Variants in EMP2 observed in about 807,000 individuals in gnomAD.
EMP2 encodes epithelial membrane protein 2.
In EMP2, 19 loss-of-function variants were observed where a neutral mutation model predicts 13.7. The ratio of observed to expected loss-of-function variants is 1.38; its 90% CI spans 0.97 to 2.03. The LOEUF is 2.03. EMP2 is among the 30% of genes most tolerant of loss of function. The probability of loss-of-function intolerance (pLI) is 0.00; values close to 1 mark genes in which losing one functional copy is unlikely to be tolerated. For missense variants in EMP2, 253 were observed against 220.7 expected (o/e 1.15, Z -0.93); for synonymous variants, 97 against 84.7 (o/e 1.15, Z -0.80).
chr16:10,564,706 T>A (rs2050895749), intron 1 of EMP2, among the ~76,000 whole-genome samples: 1 of 151,646 alleles, frequency 6.6e-6, no homozygotes, highest in African/African-American at 2.4e-5. Flanking sequence ...CCACCACCAT[T>A]CTCAGAAAGG....
chr16:10,549,665 C>G (rs2050768126), intron 1 of EMP2, among the ~76,000 whole-genome samples: 1 of 151,904 alleles, frequency 6.6e-6, no homozygotes, highest in Non-Finnish European at 1.5e-5. Flanking sequence ...ATCAGACCTT[C>G]TGTTCACTGG....
chr16:10,569,543 C>T (rs1802993320), intron 1 of EMP2, among the ~76,000 whole-genome samples: 1 of 152,076 alleles, frequency 6.6e-6, no homozygotes, highest in Admixed American at 6.5e-5. Flanking sequence ...TAGTCTTGAA[C>T]TCCTGGGCTC....
At chr16:10,549,055 C>T (rs1031824391) in intron 1 of EMP2, among the ~76,000 whole-genome samples, 2 of 152,230 alleles carry the variant, frequency 1.3e-5, no homozygotes, top group Non-Finnish European at 2.9e-5. Context: ...GTTCTCCATG[C>T]TCCCTCTCCC....
At position 10,580,262 on chromosome 16, in the gene EMP2, AG is replaced by A. The variant is rs1455565519; in HGVS notation, c.-61+286del. On this transcript the variant is annotated intron_variant, in intron 1 of 4. Transcript: ENST00000359543. This position sits in a 1 kb window ranked among gnomAD's most constrained non-coding sequence, Gnocchi z 4.3. ...CCCCGGGTGTAAGTCCGGCGGGGCG[AG>A]GGGAGGCGCCCTGACTCCTCCCCAA... Among the ~76,000 whole-genome samples, 3 of 152,020 alleles carry A rather than the reference AG, an allele frequency of 2.0e-5. No homozygotes were observed. Among genetic ancestry groups the A allele is most frequent in the Non-Finnish European group, 4.4e-5 (3 of 67,966 alleles).
chr16:10,536,923 G>C (rs1344266807), intron 4 of EMP2, among the ~76,000 whole-genome samples: 1 of 152,182 alleles, frequency 6.6e-6, no homozygotes, highest in South Asian at 2.1e-4. Context: ...TTTTAAACCA[G>C]AGGATGGTCC....
chr16:10,550,927 A>G (rs899739691), intron 1 of EMP2, among the ~76,000 whole-genome samples: 86 of 152,162 alleles, frequency 5.7e-4, no homozygotes, highest in African/African-American at 2.0e-3. Context: ...CTGAGCCAAG[A>G]ACGCGCCACT....
Position 10,532,751 on chromosome 16 carries a change from CTTTTTTCTTTTTT to C in EMP2, c.*141_*153del. ...CTTCTCTCTTTTGGATTTTTTTTTT[CTTTTTTCTTTTTT>C]TTTTTTTTTTTTTTTTTTTTTTGGC... On this transcript the variant is annotated 3_prime_UTR_variant, in exon 5 of 5. Coordinates refer to ENST00000359543, the MANE Select transcript of EMP2 (RefSeq NM_001424.6). 3 of 199,598 alleles carry C rather than the reference CTTTTTTCTTTTTT, an allele frequency of 1.5e-5. No individual in the cohort carries two copies. Among genetic ancestry groups the C allele is most frequent in the African/African-American group, 7.2e-5 (1 of 13,840 alleles). 12.4% of individuals were successfully genotyped at this position (199,598 alleles called of 1,614,324 possible). A position where few individuals can be genotyped will look rare whatever the true frequency, so the allele number is the denominator to read the frequency against.
intron 1 of EMP2, among the ~76,000 whole-genome samples, chr16:10,570,518 C>A (rs947036408): frequency 8.5e-5 from 13 of 152,320 alleles, no homozygotes; most frequent in African/African-American, 2.4e-4. Flanking sequence ...CTGCCTCAGC[C>A]TCCCAAGTAG....
chr16:10,559,646 C>G (rs2050857997), intron 1 of EMP2, among the ~76,000 whole-genome samples: 1 of 152,218 alleles, frequency 6.6e-6, no homozygotes, highest in African/African-American at 2.4e-5. Flanking sequence ...TACTCACCAA[C>G]TCTGATGAAG....
At chr16:10,543,732 C>G (rs765698487) in intron 2 of EMP2, 72 bp from the exon 3 acceptor site, 4 of 1,452,172 alleles carry the variant, frequency 2.8e-6, no homozygotes, top group South Asian at 1.1e-5. Context: ...TAATTAGGCA[C>G]GAGGCATGGT....
intron 1 of EMP2, among the ~76,000 whole-genome samples, chr16:10,558,688 T>C (rs2050850333): frequency 6.6e-6 from 1 of 152,062 alleles, no homozygotes; most frequent in Non-Finnish European, 1.5e-5. Flanking sequence ...ACTGCTGTCC[T>C]CTTCTTCATA....
chr16:10,547,737 A>G, intron 1 of EMP2, 60 bp from the exon 2 acceptor site: 1 of 978,824 alleles, frequency 1.0e-6, no homozygotes, highest in Non-Finnish European at 1.5e-6. Flanking sequence ...AATTACAATA[A>G]AAAATAAACA....
Position 10,531,660 on chromosome 16 carries a change from C to T in EMP2, c.*1245G>A, listed in dbSNP as rs1470788564. ...TTCTAATTAAGTTTTAATCTGTCTC[C>T]TCCACTAGGCCATGAGCCCTAGGAG... On this transcript the variant is annotated 3_prime_UTR_variant, in exon 5 of 5. Coordinates refer to ENST00000359543, the MANE Select transcript of EMP2 (RefSeq NM_001424.6). The T allele has an allele frequency of 1.3e-5, 2 of 152,580 alleles. No individual in the cohort carries two copies. The highest frequency in any genetic ancestry group is 2.4e-5 in the African/African-American group (1 of 41,572). The allele number at this position is 152,580 out of a possible 1,614,324, so 9.5% of individuals were successfully genotyped here.
intron 4 of EMP2, among the ~76,000 whole-genome samples, chr16:10,535,417 G>C (rs1316090109): frequency 6.6e-6 from 1 of 152,218 alleles, no homozygotes; most frequent in Non-Finnish European, 1.5e-5. Flanking sequence ...CAGATCAACA[G>C]ACAAACATAG....
At chr16:10,560,801 C>T (rs56349211) in intron 1 of EMP2, among the ~76,000 whole-genome samples, 5,561 of 152,096 alleles carry the variant, frequency 0.037, 144 homozygotes, top group African/African-American at 0.062. Context: ...GAGTTCGGGA[C>T]GCCCCACAGT....
At chr16:10,575,033 G>A (rs2050972634) in intron 1 of EMP2, among the ~76,000 whole-genome samples, 1 of 151,906 alleles carries the variant, frequency 6.6e-6, no homozygotes, top group African/African-American at 2.4e-5. Context: ...ATACAGGTAT[G>A]TGCCACCACA....
intron 1 of EMP2, among the ~76,000 whole-genome samples, chr16:10,561,621 C>T (rs188048814): frequency 6.6e-6 from 1 of 152,174 alleles, no homozygotes; most frequent in Non-Finnish European, 1.5e-5. Flanking sequence ...GGGAAGTGAA[C>T]TAAAGCCCTT....
Position 10,532,793 on chromosome 16 carries a change from T to G in EMP2, c.*112A>C. ...TTTTTTTTTTTTTTTTTTTGGCTTT[T>G]AAAGGAAACAATACGTTTGCTAGAA... On this transcript the variant is annotated 3_prime_UTR_variant, in exon 5 of 5. Transcript: ENST00000359543. 1 of 451,402 alleles carries G rather than the reference T, an allele frequency of 2.2e-6. No individual in the cohort carries two copies. The allele number at this position is 451,402 out of a possible 1,614,324, so 28.0% of individuals were successfully genotyped here.
chr16:10,559,261 G>A (rs1266277312), intron 1 of EMP2: 1 of 152,422 alleles, frequency 6.6e-6, no homozygotes, highest in East Asian at 1.9e-4. Flanking sequence ...TTTCAGGAAG[G>A]CAGAGGTCAG....
Sources: gnomAD v4.1 joint callset for allele counts (sites outside exome capture counted in the v4.1 genomes callset) on GRCh38, gnomAD v4.1.1 for gene constraint, Gnocchi (gnomAD v3.1) non-coding constraint, MANE v1.5 for transcripts, NCBI Gene and HGNC (gene_info 2026-07-23, HGNC 2026-07-21) for gene names.